The following KCNIP4 variants were observed in gnomAD, a reference collection of about 807,000 sequenced individuals.
KCNIP4 encodes Kv channel-interacting protein 4.
KCNIP4 carries 12 observed loss-of-function variants against 34.0 expected under a neutral mutation model. The observed-to-expected ratio is 0.35, with a 90% confidence interval of 0.23 to 0.57. The LOEUF (loss-of-function observed/expected upper bound fraction) is 0.57. Ranked by LOEUF, KCNIP4 falls within the 20% of genes least tolerant of loss-of-function variation. The pLI is 0.83. For missense variants in KCNIP4, 238 were observed against 311.7 expected (o/e 0.76, Z 1.78); for synonymous variants, 124 against 102.2 (o/e 1.21, Z -1.29).
At chr4:20,941,973 C>T (rs577387057) in intron 1 of KCNIP4, among the ~76,000 whole-genome samples, 1 of 152,144 alleles carries the variant, frequency 6.6e-6, no homozygotes, top group Non-Finnish European at 1.5e-5. Context: ...GTGCTAAGCA[C>T]TGAGGAAATA....
chr4:21,096,105 G>A (rs1747438908), intron 1 of KCNIP4, among the ~76,000 whole-genome samples: 2 of 152,058 alleles, frequency 1.3e-5, no homozygotes, highest in African/African-American at 4.8e-5. Context: ...AATGCCCAAG[G>A]GAATGCTGCA....
chr4:20,906,767 C>T (rs1258510287), intron 1 of KCNIP4, among the ~76,000 whole-genome samples: 1 of 152,174 alleles, frequency 6.6e-6, no homozygotes, highest in East Asian at 1.9e-4. Flanking sequence ...TCCTTCCATT[C>T]CAGCTTTAGA....
At chr4:21,550,821 T>G (rs984211258) in intron 1 of KCNIP4, among the ~76,000 whole-genome samples, 1 of 152,010 alleles carries the variant, frequency 6.6e-6, no homozygotes, top group Non-Finnish European at 1.5e-5. Flanking sequence ...ATTTTAAAAT[T>G]TCAAAAAAAC....
chr4:21,069,497 G>A (rs960250352), intron 1 of KCNIP4, among the ~76,000 whole-genome samples: 3 of 152,114 alleles, frequency 2.0e-5, no homozygotes, highest in Non-Finnish European at 4.4e-5. Context: ...TATTCATGGG[G>A]CCAGTGTGTT....
At chr4:20,954,472 A>T (rs1169318011) in intron 1 of KCNIP4, among the ~76,000 whole-genome samples, 1 of 152,182 alleles carries the variant, frequency 6.6e-6, no homozygotes, top group Non-Finnish European at 1.5e-5. Flanking sequence ...AGAGATGATT[A>T]AAATCACAAA....
chr4:21,045,704 T>C (rs1168522722), intron 1 of KCNIP4, among the ~76,000 whole-genome samples: 1 of 152,226 alleles, frequency 6.6e-6, no homozygotes, highest in African/African-American at 2.4e-5. Context: ...ATATTTTATT[T>C]ATTAGGAAAA....
chr4:21,696,897 C>T (rs921082368), intron 1 of KCNIP4, among the ~76,000 whole-genome samples: 5 of 152,022 alleles, frequency 3.3e-5, no homozygotes, highest in Admixed American at 6.6e-5. Context: ...AACTCTTTCC[C>T]GGCCAAGCCC....
At chr4:21,488,825 A>C (rs2109853939) in intron 1 of KCNIP4, among the ~76,000 whole-genome samples, 1 of 152,214 alleles carries the variant, frequency 6.6e-6, no homozygotes, top group Middle Eastern at 3.4e-3. Context: ...GAAAATAAGA[A>C]AGGGTTGAAG....
chr4:21,859,870 T>C (rs1379210986), intron 1 of KCNIP4, among the ~76,000 whole-genome samples: 1 of 151,492 alleles, frequency 6.6e-6, no homozygotes, highest in Non-Finnish European at 1.5e-5. Context: ...CTACAAATAA[T>C]AACAATTACA....
intron 1 of KCNIP4, among the ~76,000 whole-genome samples, chr4:21,869,078 T>A (rs553955238): frequency 1.3e-5 from 2 of 152,108 alleles, no homozygotes; most frequent in Non-Finnish European, 2.9e-5. Context: ...GGGTCATGGG[T>A]TTCTTTAATA....
At chr4:21,525,823 T>A (rs1330678930) in intron 1 of KCNIP4, among the ~76,000 whole-genome samples, 1 of 152,156 alleles carries the variant, frequency 6.6e-6, no homozygotes, top group Admixed American at 6.6e-5. Flanking sequence ...TATTGTGACA[T>A]ATTTTAGGAA....
chr4:20,903,652 G>A (rs545881599), intron 1 of KCNIP4, among the ~76,000 whole-genome samples: 133 of 152,180 alleles, frequency 8.7e-4, no homozygotes, highest in African/African-American at 3.2e-3. Flanking sequence ...AAGTGTATTT[G>A]ATTGATGTCT....
At chr4:21,138,022 C>T (rs1032870623) in intron 1 of KCNIP4, among the ~76,000 whole-genome samples, 3 of 151,934 alleles carry the variant, frequency 2.0e-5, no homozygotes, top group African/African-American at 7.3e-5. Context: ...CAGGCACATG[C>T]CATCACACTC....
At chr4:21,638,364 A>G (rs915940137) in intron 1 of KCNIP4, among the ~76,000 whole-genome samples, 7 of 151,950 alleles carry the variant, frequency 4.6e-5, no homozygotes, top group Non-Finnish European at 2.9e-5. Flanking sequence ...AGGTTCAAAG[A>G]TTTTTTTTCT....
intron 1 of KCNIP4, among the ~76,000 whole-genome samples, chr4:21,732,489 C>T (rs1381565511): frequency 6.6e-6 from 1 of 152,048 alleles, no homozygotes; most frequent in Admixed American, 6.6e-5. Context: ...ATTAAATTTC[C>T]ACAATAACTA....
intron 1 of KCNIP4, among the ~76,000 whole-genome samples, chr4:21,004,270 T>C (rs1738369423): frequency 6.6e-6 from 1 of 152,176 alleles, no homozygotes; most frequent in African/African-American, 2.4e-5. Context: ...CAAAAGATTT[T>C]TTGAGAGGTA....
intron 3 of KCNIP4, among the ~76,000 whole-genome samples, chr4:20,843,926 A>G (rs1285588408): frequency 6.6e-6 from 1 of 152,230 alleles, no homozygotes; most frequent in Non-Finnish European, 1.5e-5. Context: ...TTTCAAGATG[A>G]CATTACTGAG....
intron 1 of KCNIP4, among the ~76,000 whole-genome samples, chr4:21,291,525 CAA>C (rs1560258870): frequency 6.6e-6 from 1 of 151,978 alleles, no homozygotes; most frequent in African/African-American, 2.4e-5. Context: ...AACACAGACA[CAA>C]GAGAAGTACA....
intron 2 of KCNIP4, among the ~76,000 whole-genome samples, chr4:20,858,940 T>C (rs1197569352): frequency 6.6e-6 from 1 of 152,206 alleles, no homozygotes; most frequent in Non-Finnish European, 1.5e-5. Flanking sequence ...ATTTAATCCC[T>C]GGCTTTTTAA....
Sources: gnomAD v4.1 joint callset for allele counts (sites outside exome capture counted in the v4.1 genomes callset) on GRCh38, gnomAD v4.1.1 for gene constraint, MANE v1.5 for transcripts, NCBI Gene and HGNC (gene_info 2026-07-23, HGNC 2026-07-21) for gene names.